FANCA: variants seen among roughly 807,000 people sequenced by gnomAD.
The protein encoded by FANCA is Fanconi anemia group A protein.
A neutral mutation model predicts 194.3 loss-of-function variants in FANCA; 236 were observed. The observed-to-expected ratio is 1.21, with a 90% CI of 1.09 to 1.35. The LOEUF (loss-of-function observed/expected upper bound fraction) is 1.35, where lower values mean the gene tolerates loss of function less well. Ranked by LOEUF, FANCA falls within the 40% of genes most tolerant of loss-of-function variation. FANCA has a pLI of 0.00. For missense variants in FANCA, 2,628 were observed against 1,813.9 expected, an observed-to-expected ratio of 1.45 and a Z score of -8.15; for synonymous variants, 1,014 against 715.8, an observed-to-expected ratio of 1.42 and a Z score of -6.65.
In FANCA at chr16:89,749,901, T is replaced by C. The variant is rs756005374; in HGVS notation, c.3068A>G (p.Glu1023Gly). Residue 1023 changes from glutamate to glycine, a missense_variant and splice_region_variant, in exon 32 of 43, where the codon GAG (glutamate) becomes GGG (glycine). Glu to Gly is a moderately conservative substitution (Grantham distance 98). Transcript: ENST00000389301. ...GNEDIISRLQEMVADLELQQD... is the reference protein window; with the variant it reads ...GNEDIISRLQGMVADLELQQD... Reference sequence around the variant, plus strand: ...CTGCAGCTCCAGGTCAGCTACCATCTCCTGAAAAAGAGCAGTATGCTGGCA... The same window carrying C: ...CTGCAGCTCCAGGTCAGCTACCATCCCCTGAAAAAGAGCAGTATGCTGGCA... 5.0e-6 allele frequency: 8 copies of C among 1,613,976 alleles called. No individual in the cohort carries two copies. The East Asian group carries it at 1.6e-4, about 31-fold the overall frequency.
At chr16:89,751,197 G>A (rs1002627464) in intron 31 of FANCA, among the ~76,000 whole-genome samples, 4 of 151,980 alleles carry the variant, frequency 2.6e-5, no homozygotes, top group African/African-American at 9.7e-5. Flanking sequence ...CTGGCCGGCT[G>A]TATTTTTTAA....
chr16:89,775,925 A>C (rs1330037446), intron 20 of FANCA, 110 bp from the exon 21 acceptor site: 10 of 647,250 alleles, frequency 1.5e-5, no homozygotes, highest in Admixed American at 2.5e-5. Context: ...TAAATAAATT[A>C]TAAATACTGT....
intron 13 of FANCA, 38 bp downstream of exon 13, chr16:89,791,889 C>T (rs1369479489): frequency 4.3e-6 from 7 of 1,613,666 alleles, no homozygotes; most frequent in African/African-American, 4.0e-5. Context: ...CCTACACACA[C>T]TCTTGACCAG....
chr16:89,774,911 T>C (rs1254335067), intron 21 of FANCA, among the ~76,000 whole-genome samples: 1 of 151,554 alleles, frequency 6.6e-6, no homozygotes, highest in Admixed American at 6.6e-5. Flanking sequence ...TTGTCCAACA[T>C]GGCGAAACCC....
In FANCA at chr16:89,803,953, G is replaced by A. The variant is rs2040546477; in HGVS notation, c.710-612C>T. Among the ~76,000 whole-genome samples, 5 of 152,104 alleles carry A rather than the reference G, an allele frequency of 3.3e-5. No homozygotes were observed. The South Asian group carries it at 1.0e-3, about 32-fold the overall frequency. On this transcript the variant is annotated intron_variant, in intron 7 of 42. Coordinates refer to ENST00000389301, the MANE Select transcript of FANCA (RefSeq NM_000135.4). ...TCTCTTAAATAAAAGTGGTTTCCAA[G>A]GGAGGTCTTATGGATTGTCTTGCCT...
intron 3 of FANCA, among the ~76,000 whole-genome samples, chr16:89,813,155 C>T (rs1309810490): frequency 6.6e-6 from 1 of 151,990 alleles, no homozygotes; most frequent in African/African-American, 2.4e-5. Context: ...TGGCTCATGC[C>T]TGCAATCCCA....
intron 30 of FANCA, among the ~76,000 whole-genome samples, chr16:89,754,008 A>C (rs7206721): frequency 0.43 from 64,675 of 151,726 alleles, 15,142 homozygotes; most frequent in East Asian, 0.76. Flanking sequence ...CAGCTGAGAT[A>C]GTGCCACTGT....
chr16:89,797,267 G>C (rs1024832039), intron 10 of FANCA, among the ~76,000 whole-genome samples: 2 of 152,062 alleles, frequency 1.3e-5, no homozygotes. Flanking sequence ...GGAGGCATAG[G>C]TTGTAGTAAA....
intron 7 of FANCA, 71 bp downstream of exon 7, chr16:89,805,209 T>A: frequency 8.3e-7 from 1 of 1,204,520 alleles, no homozygotes; most frequent in Non-Finnish European, 1.2e-6. Flanking sequence ...GCAGAGCTCT[T>A]GAGAGCAGAA....
At position 89,740,858 on chromosome 16, in the gene FANCA, A is replaced by C. The variant is rs780604511; in HGVS notation, c.3774T>G (p.Val1258=). The change falls in exon 38 of 43, where the codon GTT becomes GTG. Residue 1258 remains valine, a synonymous_variant. Transcript: ENST00000389301. ...CCATCAAGGAGAAGAAGAAAAGGAA[A>C]ACCAATAGCTGTAAATAAAAACGTG... The part of the protein sequence containing the change: ...KLDCEREELL[V]FLFFFSLMGL... 6.2e-7 allele frequency: 1 copy of C among 1,612,926 alleles called. No individual in the cohort carries two copies. Among genetic ancestry groups the C allele is most frequent in the African/African-American group, 1.3e-5 (1 of 74,894 alleles).
Position 89,789,769 on chromosome 16 carries a change from T to C in FANCA, c.1359+1634A>G, listed in dbSNP as rs116037910. ...CCAAAACTTCTACAAAAATTAGCTC[T>C]TCAAATGGAAACTTTACTCACAAGC... On this transcript the variant is annotated intron_variant, in intron 14 of 42. Coordinates refer to ENST00000389301, the MANE Select transcript of FANCA (RefSeq NM_000135.4). Among the ~76,000 whole-genome samples, 470 of 151,922 alleles carry C rather than the reference T, an allele frequency of 3.1e-3. 4 individuals are homozygous for C. Among genetic ancestry groups the C allele is most frequent in the African/African-American group, 0.011 (435 of 41,246 alleles).
chr16:89,807,944 G>A (rs1459482671), intron 6 of FANCA, among the ~76,000 whole-genome samples: 1 of 152,070 alleles, frequency 6.6e-6, no homozygotes, highest in Non-Finnish European at 1.5e-5. Context: ...TGTAATCCCA[G>A]CGACTTGGGA....
chr16:89,759,405 G>A (rs1243854912), intron 29 of FANCA, among the ~76,000 whole-genome samples: 1 of 150,448 alleles, frequency 6.6e-6, no homozygotes, highest in Non-Finnish European at 1.5e-5. Flanking sequence ...CACCAGAAGG[G>A]GATGGTGAAG....
At chr16:89,792,834 T>C (rs1247515244) in intron 11 of FANCA, 19 of 390,918 alleles carry the variant, frequency 4.9e-5, no homozygotes, top group South Asian at 3.9e-4. Context: ...TCATCTCCAA[T>C]GATAGGTAAG....
At position 89,810,318 on chromosome 16, in the gene FANCA, G is replaced by A. The variant is rs1205534289; in HGVS notation, c.522+389C>T. 8.2e-5 allele frequency among the ~76,000 whole-genome samples: 11 copies of A among 134,494 alleles called. No individual in the cohort carries two copies. The South Asian group carries it at 1.5e-3, about 19-fold the overall frequency. The allele number at this position is 134,494 out of a possible 152,430, so 88.2% of individuals were successfully genotyped here. On this transcript the variant is annotated intron_variant, in intron 5 of 42. Coordinates refer to ENST00000389301, the MANE Select transcript of FANCA (RefSeq NM_000135.4). ...AGCCTGTGCGACAGAGCGAGACTTC[G>A]TCTCAAAAAAAAAAAAAAAAGACCA...
chr16:89,810,126 T>A (rs984687116), intron 5 of FANCA, among the ~76,000 whole-genome samples: 8 of 151,714 alleles, frequency 5.3e-5, no homozygotes, highest in Non-Finnish European at 7.4e-5. Flanking sequence ...ATCGAGACCA[T>A]CCTGGCTAAC....
intron 21 of FANCA, 77 bp downstream of exon 21, chr16:89,775,665 G>T: frequency 8.1e-7 from 1 of 1,233,666 alleles, no homozygotes; most frequent in Non-Finnish European, 1.2e-6. Context: ...CTCGGGTGGT[G>T]TAGCACAACA....
chr16:89,776,230 C>T (rs555866039), intron 20 of FANCA, among the ~76,000 whole-genome samples: 9 of 130,812 alleles, frequency 6.9e-5, no homozygotes, highest in African/African-American at 1.7e-4. Context: ...TGCAGTGGTG[C>T]GATCTCGGCT....
rs148473140 is a variant in FANCA, at chr16:89,791,459, G to A, written c.1303C>T (p.Arg435Cys). 4.3e-6 allele frequency: 7 copies of A among 1,613,876 alleles called. No individual in the cohort carries two copies. Among genetic ancestry groups the A allele is most frequent in the African/African-American group, 2.7e-5 (2 of 74,914 alleles). Residue 435 changes from arginine to cysteine, a missense_variant, in exon 14 of 43, where the codon CGC (arginine) becomes TGC (cysteine). Coordinates refer to ENST00000389301, the MANE Select transcript of FANCA (RefSeq NM_000135.4). ...GAGGGGCCCTCCAGTGCTGCCTGGCGCACAACCAGGAACGCAGTGACCATG... is the reference window on the plus strand; with the variant it reads ...GAGGGGCCCTCCAGTGCTGCCTGGCACACAACCAGGAACGCAGTGACCATG... ...DSMVTAFLVV[R>C]QAALEGPSAF...
Sources: gnomAD v4.1 joint callset for allele counts (sites outside exome capture counted in the v4.1 genomes callset) on GRCh38, gnomAD v4.1.1 for gene constraint, MANE v1.5 for transcripts, NCBI Gene and HGNC (gene_info 2026-07-23, HGNC 2026-07-21) for gene names.